PIEZO2: variants seen among roughly 807,000 people sequenced by gnomAD.
PIEZO2 encodes piezo type mechanosensitive ion channel component 2, also known as piezo-type mechanosensitive ion channel component 2.
Under a neutral mutation model 337.3 loss-of-function variants are expected in PIEZO2, and 172 were observed. The observed-to-expected ratio is 0.51, with a 90% CI of 0.45 to 0.58. The LOEUF (loss-of-function observed/expected upper bound fraction) is 0.58, where lower values mean the gene tolerates loss of function less well. PIEZO2 is among the 20% of genes least tolerant of loss of function. The pLI, the probability that PIEZO2 is intolerant of heterozygous loss-of-function variation, is 0.00. For synonymous variants in PIEZO2, 1,251 were observed against 1,228.5 expected (o/e 1.02, Z -0.38); for missense variants, 3,028 against 3,391.3 (o/e 0.89, Z 2.66).
At chr18:10,729,623 C>CAA (rs374976832) in intron 36 of PIEZO2, among the ~76,000 whole-genome samples, 58,629 of 124,230 alleles carry the variant, frequency 0.47, 13,958 homozygotes, top group South Asian at 0.53. Context: ...GACTCTGTCT[C>CAA]AAAAAAAAAA....
intron 14 of PIEZO2, among the ~76,000 whole-genome samples, chr18:10,790,616 T>C (rs1268202940): frequency 1.3e-5 from 2 of 152,122 alleles, no homozygotes; most frequent in African/African-American, 4.8e-5. Context: ...CAGTACTCAC[T>C]AGAAGTATGA....
intron 36 of PIEZO2, among the ~76,000 whole-genome samples, chr18:10,731,178 T>TATATATATAC (rs2036761325): frequency 2.1e-3 from 2 of 964 alleles, no homozygotes; most frequent in African/African-American, 5.0e-3. Context: ...CTTAAAAGAT[T>TATATATATAC]ATATATATAT....
At chr18:10,788,088 T>C (rs2039284182) in intron 15 of PIEZO2, among the ~76,000 whole-genome samples, 4 of 152,142 alleles carry the variant, frequency 2.6e-5, no homozygotes, top group Non-Finnish European at 5.9e-5. Flanking sequence ...AGCTTTTAAA[T>C]TACTATTTTA....
chr18:11,103,851 C>T (rs1332712197), intron 1 of PIEZO2, among the ~76,000 whole-genome samples: 2 of 151,886 alleles, frequency 1.3e-5, no homozygotes, highest in African/African-American at 4.8e-5. Flanking sequence ...CGGAGTCTTG[C>T]TCTGTTGCCC....
At chr18:11,011,594 T>G (rs543326576) in intron 2 of PIEZO2, among the ~76,000 whole-genome samples, 3 of 152,348 alleles carry the variant, frequency 2.0e-5, no homozygotes, top group South Asian at 4.1e-4. Flanking sequence ...TAGAATCCTA[T>G]TTTAAATAGA....
In PIEZO2 at chr18:10,704,621, C is replaced by T. The variant is rs4796901; in HGVS notation, c.6031G>A (p.Glu2011Lys). 2 of 1,536,954 alleles carry T rather than the reference C, an allele frequency of 1.3e-6. No homozygotes were observed. The highest frequency in any genetic ancestry group is 1.7e-6 in the Non-Finnish European group (2 of 1,146,806). The change falls in exon 42 of 56, where the codon GAG becomes AAG. Residue 2011 changes from glutamate (E) to lysine (K), a missense_variant. Physicochemically the swap from Glu to Lys is moderately conservative, Grantham distance 56 (BLOSUM62 1). Transcript: ENST00000674853. The part of the protein sequence containing the change: ...MFHDDELEES[E>K]KFYVGQPRFL... ...CGGGGCTGCCCCACGTAGAATTTCT[C>T]TGACTCTTCAAGCTCATCGTCGTGA...
At chr18:10,683,697 T>G in intron 49 of PIEZO2, among the ~76,000 whole-genome samples, 1 of 152,224 alleles carries the variant, frequency 6.6e-6, no homozygotes, top group Non-Finnish European at 1.5e-5. Context: ...ATAGATTTGC[T>G]CTTTCATTAT....
intron 36 of PIEZO2, chr18:10,725,476 T>G (rs1014473971): frequency 2.6e-6 from 4 of 1,528,528 alleles, no homozygotes; most frequent in East Asian, 2.3e-5. Context: ...GGTGTGGGTA[T>G]CCGGGTGGAT....
Position 11,092,223 on chromosome 18 carries a change from A to G in PIEZO2, c.65-26001T>C, listed in dbSNP as rs2039113689. Among the ~76,000 whole-genome samples, 1 of 152,258 alleles carries G rather than the reference A, an allele frequency of 6.6e-6. No homozygotes were observed. The highest frequency in any genetic ancestry group is 1.5e-5 in the Non-Finnish European group (1 of 68,050). ...AGAAGCACTATTTACAAAAACAAAG[A>G]ACAGGAAATAACAATGGGAAAATGG... is the stretch of plus-strand genomic sequence containing the variant. On this transcript the variant is annotated intron_variant, in intron 1 of 55. Transcript: ENST00000674853. This position sits in a 1 kb window ranked among gnomAD's most constrained non-coding sequence, Gnocchi z 4.5.
At position 11,116,584 on chromosome 18, in the gene PIEZO2, G is replaced by T. The variant is rs779588696; in HGVS notation, c.64+31941C>A. Among the ~76,000 whole-genome samples the T allele has an allele frequency of 6.6e-6, 1 of 150,410 alleles. No individual in the cohort carries two copies. The highest frequency in any genetic ancestry group is 1.5e-5 in the Non-Finnish European group (1 of 67,916). On this transcript the variant is annotated intron_variant, in intron 1 of 55. Coordinates refer to ENST00000674853, the MANE Select transcript of PIEZO2 (RefSeq NM_001378183.1). This position sits in a 1 kb window ranked among gnomAD's most constrained non-coding sequence, Gnocchi z 5.0. ...TAAAAAATTAGCCGGGCGTGGTGGCGGGGGGCCTGTAGTCCCAGCTACTCG... is the reference window on the plus strand; with the variant it reads ...TAAAAAATTAGCCGGGCGTGGTGGCTGGGGGCCTGTAGTCCCAGCTACTCG...
At chr18:10,725,961 C>T (rs1192420586) in intron 36 of PIEZO2, among the ~76,000 whole-genome samples, 1 of 152,202 alleles carries the variant, frequency 6.6e-6, no homozygotes, top group Non-Finnish European at 1.5e-5. Context: ...CATCGAGAAT[C>T]CTGTTGCTCT....
chr18:11,136,749 T>C (rs2040501601), intron 1 of PIEZO2, among the ~76,000 whole-genome samples: 2 of 152,088 alleles, frequency 1.3e-5, no homozygotes, highest in Non-Finnish European at 2.9e-5. Flanking sequence ...AGTGTGAGTC[T>C]CTGACCTACA....
Position 10,878,807 on chromosome 18 carries a change from A to G in PIEZO2, c.330-7392T>C. On this transcript the variant is annotated intron_variant, in intron 4 of 55. Transcript: ENST00000674853. This position sits in a 1 kb window ranked among gnomAD's most constrained non-coding sequence, Gnocchi z 4.3. ...GAAAAAAAAAAAAAATCACATAACCAGAACTACAGAAAGACCTGAAGCAAA... is the reference window on the plus strand; with the variant it reads ...GAAAAAAAAAAAAAATCACATAACCGGAACTACAGAAAGACCTGAAGCAAA... Among the ~76,000 whole-genome samples, 1 of 152,012 alleles carries G rather than the reference A, an allele frequency of 6.6e-6. No individual in the cohort carries two copies. The highest frequency in any genetic ancestry group is 1.5e-5 in the Non-Finnish European group (1 of 68,016).
intron 7 of PIEZO2, among the ~76,000 whole-genome samples, chr18:10,841,971 C>A (rs2041208766): frequency 6.6e-6 from 1 of 152,126 alleles, no homozygotes; most frequent in South Asian, 2.1e-4. Context: ...TCCTGGCCAA[C>A]ATGGTGAAAC....
chr18:11,052,404 A>C (rs574626532), intron 2 of PIEZO2, among the ~76,000 whole-genome samples: 4 of 152,334 alleles, frequency 2.6e-5, no homozygotes, highest in African/African-American at 9.6e-5. Flanking sequence ...CATCATGGAA[A>C]ACTACATAGT....
chr18:10,720,210 A>G (rs940963786), intron 36 of PIEZO2, among the ~76,000 whole-genome samples: 1 of 144,108 alleles, frequency 6.9e-6, no homozygotes, highest in Non-Finnish European at 1.5e-5. Flanking sequence ...ATATATATGT[A>G]TATATGAATA....
At chr18:10,978,246 G>A (rs2034523640) in intron 3 of PIEZO2, among the ~76,000 whole-genome samples, 1 of 152,102 alleles carries the variant, frequency 6.6e-6, no homozygotes, top group African/African-American at 2.4e-5. Context: ...TGAGGCAGGA[G>A]AATGGTGTGA....
In PIEZO2 at chr18:11,125,735, C is replaced by G. The variant is rs930004231; in HGVS notation, c.64+22790G>C. Among the ~76,000 whole-genome samples, 5 of 152,234 alleles carry G rather than the reference C, an allele frequency of 3.3e-5. No homozygotes were observed. Among genetic ancestry groups the G allele is most frequent in the Admixed American group, 2.6e-4 (4 of 15,286 alleles). On this transcript the variant is annotated intron_variant, in intron 1 of 55. Coordinates refer to ENST00000674853, the MANE Select transcript of PIEZO2 (RefSeq NM_001378183.1). The surrounding 1 kb of genome is among the most constrained non-coding windows in gnomAD (Gnocchi z 4.4). ...AGGACAACATTCCAGCCCCCACTGA[C>G]AGCAACTCCGGATCCTCTCTCTGAG...
At chr18:10,931,713 T>TGAGA (rs10603024) in intron 3 of PIEZO2, among the ~76,000 whole-genome samples, 55 of 147,862 alleles carry the variant, frequency 3.7e-4, no homozygotes, top group East Asian at 8.1e-4. Context: ...TGTGTGTGTG[T>TGAGA]GAGAGAGAGA....
Sources: allele counts gnomAD v4.1 joint callset (sites outside exome capture counted in the v4.1 genomes callset), GRCh38; gene constraint gnomAD v4.1.1; non-coding constraint Gnocchi (gnomAD v3.1); transcripts MANE v1.5; gene names NCBI Gene and HGNC (gene_info 2026-07-23, HGNC 2026-07-21).